The following ALG14 variants were observed in gnomAD, a reference collection of about 807,000 sequenced individuals.
ALG14 encodes UDP-N-acetylglucosamine transferase subunit ALG14.
A neutral mutation model predicts 22.8 loss-of-function variants in ALG14; 17 were observed. The observed-to-expected ratio is 0.75, with a 90% CI of 0.51 to 1.12. The LOEUF (loss-of-function observed/expected upper bound fraction) is 1.12, where lower values mean the gene tolerates loss of function less well. Ranked by LOEUF, ALG14 falls within the 50% of genes most tolerant of loss-of-function variation. The probability of loss-of-function intolerance (pLI) is 0.00; values close to 1 mark genes in which losing one functional copy is unlikely to be tolerated. For missense variants in ALG14, 288 were observed against 271.8 expected (o/e 1.06, Z -0.42); for synonymous variants, 89 against 103.7 (o/e 0.86, Z 0.86).
chr1:95,008,889 C>T, intron 3 of ALG14, among the ~76,000 whole-genome samples: 1 of 152,254 alleles, frequency 6.6e-6, no homozygotes, highest in Middle Eastern at 3.4e-3. Context: ...TTTGTCTATT[C>T]TGGCTACCCC....
At chr1:94,989,685 C>G (rs1027747170) in intron 3 of ALG14, among the ~76,000 whole-genome samples, 3 of 152,198 alleles carry the variant, frequency 2.0e-5, no homozygotes, top group African/African-American at 7.2e-5. Context: ...AGCTCTGTGG[C>G]CATAGAATTT....
At chr1:94,985,796 G>A (rs1672626429) in intron 3 of ALG14, among the ~76,000 whole-genome samples, 1 of 151,860 alleles carries the variant, frequency 6.6e-6, no homozygotes, top group African/African-American at 2.4e-5. Context: ...TAAATTAAAG[G>A]TATTTTGTTT....
rs907763801 is a variant in ALG14 at position 94,982,079 on chromosome 1, G to T, written c.*997C>A. 2 of 148,644 alleles carry T rather than the reference G, an allele frequency of 1.3e-5. No homozygotes were observed. The highest frequency in any genetic ancestry group is 4.9e-5 in the African/African-American group (2 of 40,416). 9.2% of individuals were successfully genotyped at this position (148,644 alleles called of 1,614,324 possible). On this transcript the variant is annotated 3_prime_UTR_variant, in exon 4 of 4. Coordinates refer to ENST00000370205, the MANE Select transcript of ALG14 (RefSeq NM_144988.4). Reference sequence around the variant, plus strand: ...TCATGTGATCTTGGACAAGTCATCTGTAAAATGGGAATAATAACAGTCCCT... The same window carrying T: ...TCATGTGATCTTGGACAAGTCATCTTTAAAATGGGAATAATAACAGTCCCT...
chr1:95,011,218 G>C lies in ALG14; in HGVS notation c.420+15911C>G, dbSNP rs569814811. ...CAGATGGGCTTTTGGGAGATGATTA[G>C]GTCATAAGGGTGGGACCCTCATGGA... On this transcript the variant is annotated intron_variant, in intron 3 of 3. Coordinates refer to ENST00000370205, the MANE Select transcript of ALG14 (RefSeq NM_144988.4). 7.9e-5 allele frequency among the ~76,000 whole-genome samples: 12 copies of C among 152,234 alleles called. No homozygotes were observed. In the South Asian group the frequency reaches 2.3e-3, roughly 29 times the overall value.
At position 95,036,228 on chromosome 1, in the gene ALG14, T is replaced by C. The variant is rs181293827; in HGVS notation, c.289-8968A>G. Among the ~76,000 whole-genome samples the C allele has an allele frequency of 7.2e-5, 11 of 152,150 alleles. No individual in the cohort carries two copies. The East Asian group carries it at 1.6e-3, about 22-fold the overall frequency. On this transcript the variant is annotated intron_variant, in intron 2 of 3. Transcript: ENST00000370205. ...CATGGGAAGGACCAAGTGGAGATAATTGAATCATGGGGGCAGTTCCCCTGT... is the reference window on the plus strand; with the variant it reads ...CATGGGAAGGACCAAGTGGAGATAACTGAATCATGGGGGCAGTTCCCCTGT...
chr1:95,071,526 G>A (rs1444732013), intron 1 of ALG14, among the ~76,000 whole-genome samples: 1 of 152,142 alleles, frequency 6.6e-6, no homozygotes, highest in Non-Finnish European at 1.5e-5. Context: ...CTGGGCAACA[G>A]CGTGAGACTC....
rs541881957 is a variant in ALG14, at chr1:94,989,573, G to A, written c.421-6267C>T. ...GCAGGGCTGGAGGAGACTCTGTTCT[G>A]GTAGCAAAGGTACTGCTGGCAGGGG... On this transcript the variant is annotated intron_variant, in intron 3 of 3. Transcript: ENST00000370205. Among the ~76,000 whole-genome samples, 13 of 152,284 alleles carry A rather than the reference G, an allele frequency of 8.5e-5. No individual in the cohort carries two copies. The East Asian group carries it at 2.5e-3, about 29-fold the overall frequency.
chr1:95,022,486 A>T (rs1017488685), intron 3 of ALG14: 1 of 438,286 alleles, frequency 2.3e-6, no homozygotes, highest in Middle Eastern at 1.1e-3. Context: ...CGTACAGTGC[A>T]GGGCCAGTCC....
intron 3 of ALG14, 87 bp from the exon 4 acceptor site, chr1:94,983,393 G>A: frequency 9.3e-7 from 1 of 1,071,904 alleles, no homozygotes. Flanking sequence ...TGATTTCAGA[G>A]GGGATCTGCT....
At chr1:95,041,096 C>T (rs1383413658) in intron 2 of ALG14, among the ~76,000 whole-genome samples, 1 of 152,148 alleles carries the variant, frequency 6.6e-6, no homozygotes, top group African/African-American at 2.4e-5. Context: ...AGAATCTATT[C>T]ACTGAAATGG....
At chr1:95,034,386 G>A (rs1170952722) in intron 2 of ALG14, among the ~76,000 whole-genome samples, 1 of 152,166 alleles carries the variant, frequency 6.6e-6, no homozygotes, top group East Asian at 1.9e-4. Flanking sequence ...TCACTGCTAC[G>A]ATCCCACTGC....
At chr1:95,017,695 G>A (rs1463592733) in intron 3 of ALG14, among the ~76,000 whole-genome samples, 2 of 152,194 alleles carry the variant, frequency 1.3e-5, no homozygotes, top group African/African-American at 4.8e-5. Flanking sequence ...CCACCTTCTC[G>A]AAGGCCCCTT....
chr1:95,057,773 A>G (rs1369230689), intron 2 of ALG14, among the ~76,000 whole-genome samples: 3 of 151,892 alleles, frequency 2.0e-5, no homozygotes, highest in Non-Finnish European at 2.9e-5. Flanking sequence ...CACTGAATTC[A>G]AGAAAGAATT....
chr1:95,046,650 C>A (rs1193403552), intron 2 of ALG14, among the ~76,000 whole-genome samples: 1 of 152,098 alleles, frequency 6.6e-6, no homozygotes, highest in Non-Finnish European at 1.5e-5. Flanking sequence ...ATATTTATTG[C>A]AGTAAAATTG....
At chr1:95,013,799 C>T (rs1293266084) in intron 3 of ALG14, among the ~76,000 whole-genome samples, 2 of 152,072 alleles carry the variant, frequency 1.3e-5, no homozygotes, top group African/African-American at 4.8e-5. Flanking sequence ...CTAGACTAGT[C>T]TAGTAGACTA....
At chr1:94,994,239 T>C (rs1452914591) in intron 3 of ALG14, among the ~76,000 whole-genome samples, 2 of 152,240 alleles carry the variant, frequency 1.3e-5, no homozygotes, top group African/African-American at 2.4e-5. Flanking sequence ...TCCTGGCTTC[T>C]TGATCTTTTT....
rs774353428 is a variant in ALG14 at position 94,981,081 on chromosome 1, T to C, written c.*1995A>G. On this transcript the variant is annotated 3_prime_UTR_variant, in exon 4 of 4. Transcript: ENST00000370205. ...TTTCCCTTACCATTCATTTACCTAGTGCCACTCAGGGAACAAAGTACAGAG... is the reference window on the plus strand; with the variant it reads ...TTTCCCTTACCATTCATTTACCTAGCGCCACTCAGGGAACAAAGTACAGAG... The C allele has an allele frequency of 1.3e-5, 2 of 152,184 alleles. No homozygotes were observed. Among genetic ancestry groups the C allele is most frequent in the African/African-American group, 4.8e-5 (2 of 41,430 alleles). 9.4% of individuals were successfully genotyped at this position (152,184 alleles called of 1,614,324 possible). A position where few individuals can be genotyped will look rare whatever the true frequency, so the allele number is the denominator to read the frequency against.
At chr1:94,983,394 G>A in intron 3 of ALG14, 88 bp from the exon 4 acceptor site, 1 of 1,061,992 alleles carries the variant, frequency 9.4e-7, no homozygotes, top group Non-Finnish European at 1.4e-6. Flanking sequence ...GATTTCAGAG[G>A]GGATCTGCTT....
At position 95,014,415 on chromosome 1, in the gene ALG14, C is replaced by T. The variant is rs547752354; in HGVS notation, c.420+12714G>A. ...GTGATTTAAAACACCTCTAAAAAAT[C>T]ACACTGATGCTTCAGTCTGGAACCC... On this transcript the variant is annotated intron_variant, in intron 3 of 3. Coordinates refer to ENST00000370205, the MANE Select transcript of ALG14 (RefSeq NM_144988.4). Among the ~76,000 whole-genome samples the T allele has an allele frequency of 2.6e-5, 4 of 152,268 alleles. No homozygotes were observed. The South Asian group carries it at 6.2e-4, about 24-fold the overall frequency.
Sources: allele counts gnomAD v4.1 joint callset (sites outside exome capture counted in the v4.1 genomes callset), GRCh38; gene constraint gnomAD v4.1.1; transcripts MANE v1.5; gene names NCBI Gene and HGNC (gene_info 2026-07-23, HGNC 2026-07-21).